The following APBB1IP variants were observed in gnomAD, a reference collection of about 807,000 sequenced individuals.
The protein encoded by APBB1IP is amyloid beta A4 precursor protein-binding family B member 1-interacting protein.
In APBB1IP, 27 loss-of-function variants were observed where a neutral mutation model predicts 64.9. The observed-to-expected ratio is 0.42, with a 90% CI of 0.31 to 0.57. The LOEUF is 0.57. Ranked by LOEUF, APBB1IP falls within the 20% of genes least tolerant of loss-of-function variation. APBB1IP has a pLI of 0.20. For missense variants in APBB1IP, 812 were observed against 845.5 expected (o/e 0.96, Z 0.49); for synonymous variants, 392 against 331.0 (o/e 1.18, Z -2.00).
At chr10:26,469,972 A>G (rs540653571) in intron 2 of APBB1IP, among the ~76,000 whole-genome samples, 36 of 152,204 alleles carry the variant, frequency 2.4e-4, no homozygotes, top group African/African-American at 8.4e-4. Context: ...ACTACAACCA[A>G]CAACAACCCC....
intron 2 of APBB1IP, among the ~76,000 whole-genome samples, chr10:26,444,909 C>G (rs773985806): frequency 7.9e-5 from 12 of 151,822 alleles, no homozygotes; most frequent in African/African-American, 1.5e-4. Flanking sequence ...ACCATCCTGG[C>G]CAACATGGTG....
Position 26,469,171 on chromosome 10 carries a change from A to G in APBB1IP, c.1-23156A>G, listed in dbSNP as rs148757221. ...GAAATAAGACTTAGCTGAAAAACAC[A>G]TACATTGTATAGCTGTACAAAAATA... On this transcript the variant is annotated intron_variant, in intron 2 of 14. Coordinates refer to ENST00000376236, the MANE Select transcript of APBB1IP (RefSeq NM_019043.4). Among the ~76,000 whole-genome samples, 341 of 151,484 alleles carry G rather than the reference A, an allele frequency of 2.3e-3. 2 individuals are homozygous for G. Among genetic ancestry groups the G allele is most frequent in the African/African-American group, 7.7e-3 (319 of 41,292 alleles).
chr10:26,549,029 T>C (rs1836800612), intron 11 of APBB1IP, among the ~76,000 whole-genome samples: 2 of 152,146 alleles, frequency 1.3e-5, no homozygotes, highest in South Asian at 4.1e-4. Context: ...TATACCTAAT[T>C]TGTTGAGATG....
In APBB1IP at chr10:26,528,451, C is replaced by T. The variant is rs547285646; in HGVS notation, c.814-4988C>T. Among the ~76,000 whole-genome samples, 6 of 152,260 alleles carry T rather than the reference C, an allele frequency of 3.9e-5. No homozygotes were observed. In the East Asian group the frequency reaches 1.2e-3, roughly 29 times the overall value. On this transcript the variant is annotated intron_variant, in intron 8 of 14. Transcript: ENST00000376236. ...CAAGGCCTCGTTCAAACTTTGACCC[C>T]CTCTGTAAAGTTTTTCTTGACCATC...
At chr10:26,518,177 G>GT (rs1218870846) in intron 8 of APBB1IP, among the ~76,000 whole-genome samples, 1 of 151,358 alleles carries the variant, frequency 6.6e-6, no homozygotes, top group East Asian at 1.9e-4. Context: ...CTGGTCTTGA[G>GT]CTCCACCTCA....
At chr10:26,512,357 G>C (rs1484622656) in intron 7 of APBB1IP, among the ~76,000 whole-genome samples, 1 of 152,166 alleles carries the variant, frequency 6.6e-6, no homozygotes, top group African/African-American at 2.4e-5. Context: ...AAGCTGAGCA[G>C]GTGGCAGGAG....
Position 26,439,555 on chromosome 10 carries a change from C to A in APBB1IP, c.-1+702C>A, listed in dbSNP as rs76803428. 2.3e-3 allele frequency among the ~76,000 whole-genome samples: 345 copies of A among 152,324 alleles called. 5 individuals carry two copies. Among genetic ancestry groups the A allele is most frequent in the Admixed American group, 0.014 (210 of 15,294 alleles). ...GGTGTCCTAATGTCTCCAAGAACCT[C>A]TGCGCAGGTGTTCCACCAAAGACCT... On this transcript the variant is annotated intron_variant, in intron 2 of 14. Transcript: ENST00000376236.
intron 2 of APBB1IP, among the ~76,000 whole-genome samples, chr10:26,461,387 A>G (rs1010130654): frequency 6.6e-6 from 1 of 152,148 alleles, no homozygotes; most frequent in African/African-American, 2.4e-5. Flanking sequence ...TTATTTTTCT[A>G]CTGATTACTA....
intron 11 of APBB1IP, among the ~76,000 whole-genome samples, chr10:26,556,614 G>A (rs1235081486): frequency 6.6e-6 from 1 of 152,206 alleles, no homozygotes; most frequent in Non-Finnish European, 1.5e-5. Flanking sequence ...ACATTCTTAA[G>A]AAATTGTTTA....
Position 26,567,286 on chromosome 10 carries a change from C to A in APBB1IP, c.1799C>A (p.Pro600Gln), listed in dbSNP as rs1296960573. The A allele has an allele frequency of 2.0e-6, 2 of 983,168 alleles. No homozygotes were observed. The highest frequency in any genetic ancestry group is 2.5e-6 in the Non-Finnish European group (2 of 808,638). The allele number at this position is 983,168 out of a possible 1,614,324, so 60.9% of individuals were successfully genotyped here. The change falls in exon 15 of 15, where the codon CCG becomes CAG. Residue 600 changes from proline to glutamine, a missense_variant. Pro to Gln is a moderately conservative substitution (Grantham distance 76, BLOSUM62 -1). Around this residue, in one of 3 missense-constraint regions of APBB1IP, gnomAD observed 381 missense variants for 352.1 expected, o/e 1.08. Coordinates refer to ENST00000376236, the MANE Select transcript of APBB1IP (RefSeq NM_019043.4). Reference sequence around the variant, plus strand: ...GGGATCGCGGGCTCAGAGCTGCCCCCGCCGCCGCCGCCGCCGCCCGCGCCC... The same window carrying A: ...GGGATCGCGGGCTCAGAGCTGCCCCAGCCGCCGCCGCCGCCGCCCGCGCCC... ...YAGIAGSELP[P>Q]PPPPPPAPAP... is the part of the protein sequence containing the mutation.
intron 2 of APBB1IP, among the ~76,000 whole-genome samples, chr10:26,462,034 G>T (rs568631812): frequency 8.5e-5 from 13 of 152,250 alleles, no homozygotes; most frequent in African/African-American, 3.1e-4. Context: ...TCCAGGATCT[G>T]CAGGCCAAAT....
At chr10:26,492,225 TGCCCATGGA>T (rs1835964000) in intron 2 of APBB1IP, 93 bp from the exon 3 acceptor site, 13 of 1,005,794 alleles carry the variant, frequency 1.3e-5, no homozygotes, top group Non-Finnish European at 1.8e-5. Flanking sequence ...CCAACTTAGC[TGCCCATGGA>T]TGGGGCTCTT....
At chr10:26,562,537 CACCTG>C in intron 14 of APBB1IP, 108 bp downstream of exon 14, 2 of 875,920 alleles carry the variant, frequency 2.3e-6, no homozygotes, top group Admixed American at 2.1e-5. Flanking sequence ...CAGTAGCTCA[CACCTG>C]TAATCCCAGA....
At chr10:26,457,859 A>G (rs1438051327) in intron 2 of APBB1IP, among the ~76,000 whole-genome samples, 3 of 152,226 alleles carry the variant, frequency 2.0e-5, no homozygotes, top group African/African-American at 7.2e-5. Context: ...AGATCAGGGA[A>G]GATTTATCCT....
chr10:26,519,251 A>G (rs1836372109), intron 8 of APBB1IP, among the ~76,000 whole-genome samples: 1 of 152,196 alleles, frequency 6.6e-6, no homozygotes, highest in African/African-American at 2.4e-5. Context: ...AGATCGTGCC[A>G]CTGCACTCCA....
chr10:26,490,453 C>A (rs1336620686), intron 2 of APBB1IP, among the ~76,000 whole-genome samples: 1 of 151,992 alleles, frequency 6.6e-6, no homozygotes, highest in Non-Finnish European at 1.5e-5. Flanking sequence ...GGCGAAACCC[C>A]GTCTCTACTA....
chr10:26,514,897 A>C (rs975383546), intron 8 of APBB1IP, among the ~76,000 whole-genome samples: 1 of 151,674 alleles, frequency 6.6e-6, no homozygotes, highest in African/African-American at 2.4e-5. Context: ...TTGTTAGACA[A>C]AGTCTTCTTC....
chr10:26,497,055 C>A (rs576433765), intron 4 of APBB1IP, among the ~76,000 whole-genome samples: 61 of 151,994 alleles, frequency 4.0e-4, no homozygotes, highest in African/African-American at 1.4e-3. Flanking sequence ...ATTAGCCAAG[C>A]GTGGTGGCAT....
At chr10:26,492,201 A>T in intron 2 of APBB1IP, 126 bp from the exon 3 acceptor site, 1 of 725,214 alleles carries the variant, frequency 1.4e-6, no homozygotes, top group Non-Finnish European at 2.3e-6. Context: ...CCTTCCTCTC[A>T]ATATAGTCCT....
Sources: gnomAD v4.1 joint callset for allele counts (sites outside exome capture counted in the v4.1 genomes callset) on GRCh38, gnomAD v4.1.1 for gene constraint, gnomAD v4.1.1 regional missense constraint, MANE v1.5 for transcripts, NCBI Gene and HGNC (gene_info 2026-07-23, HGNC 2026-07-21) for gene names.